LMX1A: variants seen among roughly 807,000 people sequenced by gnomAD.
The protein encoded by LMX1A is LIM homeobox transcription factor 1 alpha.
In LMX1A, 15 loss-of-function variants were observed where a neutral mutation model predicts 49.1. The observed-to-expected ratio is 0.31, with a 90% CI of 0.20 to 0.47. The LOEUF (loss-of-function observed/expected upper bound fraction) is 0.47. Ranked by LOEUF, LMX1A falls within the 20% of genes least tolerant of loss-of-function variation. LMX1A has a pLI of 1.00. For synonymous variants in LMX1A, 167 were observed against 185.7 expected (o/e 0.90, Z 0.82); for missense variants, 372 against 475.8 (o/e 0.78, Z 2.03).
At chr1:165,233,102 T>G (rs903035607) in intron 4 of LMX1A, among the ~76,000 whole-genome samples, 1 of 152,240 alleles carries the variant, frequency 6.6e-6, no homozygotes, top group Non-Finnish European at 1.5e-5. Context: ...TTCACAAGTT[T>G]GTTTTCCCAT....
intron 4 of LMX1A, among the ~76,000 whole-genome samples, chr1:165,223,299 G>C (rs1651918743): frequency 6.6e-6 from 1 of 152,146 alleles, no homozygotes; most frequent in Non-Finnish European, 1.5e-5. Flanking sequence ...TTTTTATTAT[G>C]ACTCTTGGCT....
intron 4 of LMX1A, among the ~76,000 whole-genome samples, chr1:165,219,302 C>T (rs945983014): frequency 6.6e-5 from 10 of 151,862 alleles, no homozygotes; most frequent in South Asian, 2.1e-4. Flanking sequence ...GCCTAGGAGG[C>T]GAGGGTGAGG....
chr1:165,302,947 G>A (rs1654820045), intron 3 of LMX1A, among the ~76,000 whole-genome samples: 2 of 152,158 alleles, frequency 1.3e-5, no homozygotes, highest in African/African-American at 4.8e-5. Flanking sequence ...AGCCTATGTT[G>A]TTTGGAACAC....
intron 4 of LMX1A, among the ~76,000 whole-genome samples, chr1:165,238,395 T>C (rs1408984572): frequency 2.0e-5 from 3 of 152,196 alleles, no homozygotes; most frequent in Non-Finnish European, 4.4e-5. Flanking sequence ...TGTTGAATAA[T>C]TATAAACATA....
intron 3 of LMX1A, among the ~76,000 whole-genome samples, chr1:165,345,453 C>A (rs1656211892): frequency 6.6e-6 from 1 of 152,166 alleles, no homozygotes; most frequent in Admixed American, 6.5e-5. Context: ...GCTAGCCAGG[C>A]TTCTGGCCAA....
intron 3 of LMX1A, among the ~76,000 whole-genome samples, chr1:165,309,392 G>T (rs1005782066): frequency 1.3e-5 from 2 of 152,230 alleles, no homozygotes; most frequent in Non-Finnish European, 2.9e-5. Context: ...AGGAAGTCCT[G>T]GTGGGGGGCT....
chr1:165,230,329 TTC>T (rs1203145885), intron 4 of LMX1A, among the ~76,000 whole-genome samples: 1 of 152,234 alleles, frequency 6.6e-6, no homozygotes, highest in Non-Finnish European at 1.5e-5. Flanking sequence ...GCATAATGAT[TTC>T]TGTCTAATTT....
intron 3 of LMX1A, among the ~76,000 whole-genome samples, chr1:165,278,163 G>A (rs1392446004): frequency 6.6e-6 from 1 of 152,156 alleles, no homozygotes; most frequent in Non-Finnish European, 1.5e-5. Context: ...TCAAACTCAG[G>A]CCACTTGACT....
chr1:165,312,355 AC>A (rs1655100243), intron 3 of LMX1A, among the ~76,000 whole-genome samples: 1 of 152,072 alleles, frequency 6.6e-6, no homozygotes, highest in African/African-American at 2.4e-5. Context: ...TTGTGCTGTT[AC>A]TTTTAGTTTT....
At chr1:165,221,418 C>T (rs760907507) in intron 4 of LMX1A, among the ~76,000 whole-genome samples, 16 of 152,142 alleles carry the variant, frequency 1.1e-4, no homozygotes, top group Non-Finnish European at 2.1e-4. Context: ...CTATCCTGCC[C>T]TGCCACTGCA....
chr1:165,264,422 A>ACT (rs1363232444), intron 3 of LMX1A, among the ~76,000 whole-genome samples: 4 of 151,612 alleles, frequency 2.6e-5, no homozygotes. Flanking sequence ...ATATGCTCGC[A>ACT]CACACACACA....
chr1:165,341,292 T>C (rs1656068379), intron 3 of LMX1A, among the ~76,000 whole-genome samples: 1 of 152,150 alleles, frequency 6.6e-6, no homozygotes, highest in Non-Finnish European at 1.5e-5. Flanking sequence ...ACACTTTCTT[T>C]TCCGGGCTCC....
chr1:165,304,148 T>A (rs1443448890), intron 3 of LMX1A, among the ~76,000 whole-genome samples: 1 of 152,100 alleles, frequency 6.6e-6, no homozygotes, highest in African/African-American at 2.4e-5. Flanking sequence ...AGGGTAACCC[T>A]GGGAAAGTTA....
At chr1:165,221,417 C>T (rs1171297254) in intron 4 of LMX1A, among the ~76,000 whole-genome samples, 2 of 152,118 alleles carry the variant, frequency 1.3e-5, no homozygotes, top group Admixed American at 1.3e-4. Flanking sequence ...ACTATCCTGC[C>T]CTGCCACTGC....
intron 4 of LMX1A, chr1:165,218,520 G>T (rs143919031): frequency 6.6e-6 from 1 of 152,338 alleles, no homozygotes; most frequent in Non-Finnish European, 1.5e-5. Context: ...GTATAGTGGC[G>T]CCCTCTGACT....
chr1:165,328,135 C>T (rs370575427), intron 3 of LMX1A, among the ~76,000 whole-genome samples: 5 of 152,312 alleles, frequency 3.3e-5, no homozygotes, highest in African/African-American at 1.2e-4. Flanking sequence ...ACAAAAACAC[C>T]AACCTGCACC....
At chr1:165,252,701 A>G (rs1653104027) in intron 3 of LMX1A, among the ~76,000 whole-genome samples, 1 of 152,210 alleles carries the variant, frequency 6.6e-6, no homozygotes, top group Non-Finnish European at 1.5e-5. Context: ...GAATGGCCAG[A>G]GAGAGCAGAT....
At chr1:165,351,743 C>T (rs1656435545) in intron 3 of LMX1A, among the ~76,000 whole-genome samples, 1 of 152,234 alleles carries the variant, frequency 6.6e-6, no homozygotes. Context: ...TGTGTGGTCA[C>T]AGGGTCTAAT....
At chr1:165,210,810 T>G in intron 5 of LMX1A, 34 bp from the exon 6 acceptor site, 1 of 1,531,984 alleles carries the variant, frequency 6.5e-7, no homozygotes, top group South Asian at 1.1e-5. Flanking sequence ...GTAGACACAC[T>G]GGCATCTCAG....
Sources: allele counts gnomAD v4.1 joint callset (sites outside exome capture counted in the v4.1 genomes callset), GRCh38; gene constraint gnomAD v4.1.1; transcripts MANE v1.5; gene names NCBI Gene and HGNC (gene_info 2026-07-23, HGNC 2026-07-21).